The following CENPT variants were observed in gnomAD, a reference collection of about 807,000 sequenced individuals.
The protein encoded by CENPT is centromere protein T.
In CENPT, 42 loss-of-function variants were observed where a neutral mutation model predicts 59.7. The ratio of observed to expected loss-of-function variants is 0.70; its 90% CI spans 0.55 to 0.91. CENPT has a LOEUF of 0.91. CENPT is among the 40% of genes least tolerant of loss of function. CENPT has a pLI of 0.00. For missense variants in CENPT, 716 were observed against 713.4 expected (o/e 1.00, Z -0.04); for synonymous variants, 295 against 289.6 (o/e 1.02, Z -0.19).
At chr16:67,844,183 AG>A (rs1293692810) in intron 1 of CENPT, 2 of 166,702 alleles carry the variant, frequency 1.2e-5, no homozygotes, top group Non-Finnish European at 2.9e-5. Flanking sequence ...TTAAACAAAA[AG>A]TAAGGTTTTT....
At position 67,833,948 on chromosome 16, in the gene CENPT, C is replaced by T; in HGVS notation, c.-89G>A. 1 of 795,718 alleles carries T rather than the reference C, an allele frequency of 1.3e-6. No individual in the cohort carries two copies. The highest frequency in any genetic ancestry group is 4.0e-5 in the Admixed American group (1 of 24,888). The allele number at this position is 795,718 out of a possible 1,614,324, so 49.3% of individuals were successfully genotyped here. ...AGTTAATGTAACTCTCGCGATGCTC[C>T]CGCACAGCCCCACGGGAATTGTAGT... On this transcript the variant is annotated 5_prime_UTR_variant, in exon 4 of 16. Transcript: ENST00000562787.
rs1412838270 is a variant in CENPT at position 67,847,682 on chromosome 16, C to G, written c.-773G>C. On this transcript the variant is annotated 5_prime_UTR_variant, in exon 1 of 16. Coordinates refer to ENST00000562787, the MANE Select transcript of CENPT (RefSeq NM_025082.4). ...ACGGGAGACTTTATCCCTGTCTTGT[C>G]TTAGAGGATCTGGGCCTGATGGGGT... 6.6e-6 allele frequency: 1 copy of G among 152,352 alleles called. No individual in the cohort carries two copies. 9.4% of individuals were successfully genotyped at this position (152,352 alleles called of 1,614,324 possible).
Position 67,842,899 on chromosome 16 carries a change from G to A in CENPT, c.-492+4502C>T, listed in dbSNP as rs779779594. 5 of 1,586,704 alleles carry A rather than the reference G, an allele frequency of 3.2e-6. No individual in the cohort carries two copies. The highest frequency in any genetic ancestry group is 4.5e-5 in the East Asian group (2 of 44,242). ...AACAGCAGCAGCAGCAGCAACAGCA[G>A]CAACAGCAGCAGCAGCAGCAACAGC... On this transcript the variant is annotated intron_variant, in intron 1 of 15. Transcript: ENST00000562787. This position sits in a 1 kb window ranked among gnomAD's most constrained non-coding sequence, Gnocchi z 4.9.
rs748207545 is a variant in CENPT, at chr16:67,842,749, C to T, written c.-492+4652G>A. 1 of 1,609,170 alleles carries T rather than the reference C, an allele frequency of 6.2e-7. No individual in the cohort carries two copies. The highest frequency in any genetic ancestry group is 1.1e-5 in the South Asian group (1 of 90,476). On this transcript the variant is annotated intron_variant, in intron 1 of 15. Coordinates refer to ENST00000562787, the MANE Select transcript of CENPT (RefSeq NM_025082.4). This position sits in a 1 kb window ranked among gnomAD's most constrained non-coding sequence, Gnocchi z 4.9. ...GCCACCGTCTCTGCAGCGTTCACTT[C>T]CAGGGCGGCCGCAAGACCTACACGG...
intron 1 of CENPT, chr16:67,841,695 C>A (rs2057762253): frequency 6.6e-6 from 1 of 152,284 alleles, no homozygotes. Flanking sequence ...ACTCCCGGCA[C>A]CGTGTCAGCC....
chr16:67,839,007 T>G (rs1242169209), intron 1 of CENPT, among the ~76,000 whole-genome samples: 1 of 152,008 alleles, frequency 6.6e-6, no homozygotes, highest in Non-Finnish European at 1.5e-5. Flanking sequence ...TCCCAGCACT[T>G]TAGGAGGCCA....
At position 67,842,308 on chromosome 16, in the gene CENPT, C is replaced by T. The variant is rs927128921; in HGVS notation, c.-492+5093G>A. 4 of 170,876 alleles carry T rather than the reference C, an allele frequency of 2.3e-5. No individual in the cohort carries two copies. Among genetic ancestry groups the T allele is most frequent in the Non-Finnish European group, 3.7e-5 (3 of 81,148 alleles). 10.6% of individuals were successfully genotyped at this position (170,876 alleles called of 1,614,324 possible). On this transcript the variant is annotated intron_variant, in intron 1 of 15. Coordinates refer to ENST00000562787, the MANE Select transcript of CENPT (RefSeq NM_025082.4). The surrounding 1 kb of genome is among the most constrained non-coding windows in gnomAD (Gnocchi z 4.9). ...GTAGTCTCTTTCTCAGGCGGTCCTT[C>T]GCGGCGTCCCCGGGGCCCACTCCCG...
At position 67,831,800 on chromosome 16, in the gene CENPT, C is replaced by T. The variant is rs1308363232; in HGVS notation, c.477G>A (p.Leu159=). Reference sequence around the variant, plus strand: ...GGTCCACTCCCTGCTGAAACACTGACAGTCTCAGCCTCTGTTTCCTCCTGC... The same window carrying T: ...GGTCCACTCCCTGCTGAAACACTGATAGTCTCAGCCTCTGTTTCCTCCTGC... The part of the protein sequence containing the change: ...APGRRKQRLR[L]SVFQQGVDQG... The change falls in exon 8 of 16, where the codon CTG becomes CTA. Residue 159 remains leucine (L), a synonymous_variant. Transcript: ENST00000562787. The T allele has an allele frequency of 2.5e-6, 4 of 1,594,922 alleles. No homozygotes were observed. Among genetic ancestry groups the T allele is most frequent in the Non-Finnish European group, 3.4e-6 (4 of 1,171,858 alleles).
In CENPT at chr16:67,832,020, A is replaced by G. The variant is rs1246028038; in HGVS notation, c.378T>C (p.Ser126=). 2.5e-6 allele frequency: 4 copies of G among 1,603,100 alleles called. No individual in the cohort carries two copies. The highest frequency in any genetic ancestry group is 3.4e-6 in the Non-Finnish European group (4 of 1,173,024). ...GGGGGAGTTCTGTGTACCTGCCGCA[A>G]CTGCTCTCTTGTCTGGAGGGTTGGA... is the stretch of plus-strand genomic sequence containing the variant. ...QAVQPSRQES[S]CGSLELQLPE... is the part of the protein sequence containing the mutation. Residue 126 remains serine (S), a synonymous_variant, in exon 7 of 16, where the codon AGT becomes AGC. Coordinates refer to ENST00000562787, the MANE Select transcript of CENPT (RefSeq NM_025082.4).
chr16:67,845,641 C>T (rs570740498), intron 1 of CENPT, among the ~76,000 whole-genome samples: 28 of 152,354 alleles, frequency 1.8e-4, no homozygotes, highest in African/African-American at 6.7e-4. Context: ...CATTGGCTCC[C>T]TTGAGGCTCT....
chr16:67,829,755 G>A lies in CENPT; in HGVS notation c.1186+10C>T. The stretch of plus-strand genomic sequence containing the variant: ...CTGTCACCAGTCACTCCCTGCACTG[G>A]GCCTCTTACCTGCCCTGCCAGAGGC... On this transcript the variant is annotated intron_variant, in intron 12 of 15. Transcript: ENST00000562787. 2 of 1,612,254 alleles carry A rather than the reference G, an allele frequency of 1.2e-6. No homozygotes were observed. Among genetic ancestry groups the A allele is most frequent in the African/African-American group, 1.3e-5 (1 of 74,974 alleles).
intron 10 of CENPT, chr16:67,830,845 C>T (rs1303043240): frequency 1.9e-6 from 1 of 519,426 alleles, no homozygotes; most frequent in African/African-American, 1.9e-5. Context: ...GCTTGTTCTG[C>T]TCCGTCTTCC....
intron 1 of CENPT, among the ~76,000 whole-genome samples, chr16:67,837,829 G>C (rs780930963): frequency 2.6e-5 from 4 of 152,236 alleles, no homozygotes; most frequent in Non-Finnish European, 5.9e-5. Context: ...GTGAGGCAGG[G>C]AGGAGCGAAA....
At chr16:67,834,831 T>G (rs1027093500) in intron 3 of CENPT, among the ~76,000 whole-genome samples, 4 of 152,024 alleles carry the variant, frequency 2.6e-5, no homozygotes, top group Admixed American at 2.0e-4. Context: ...TCTAGCAAAA[T>G]AAATAAATAA....
rs1438744493 is a variant in CENPT, at chr16:67,831,869, C to T, written c.408G>A (p.Glu136=). 4 of 1,611,704 alleles carry T rather than the reference C, an allele frequency of 2.5e-6. No individual in the cohort carries two copies. The highest frequency in any genetic ancestry group is 2.2e-5 in the South Asian group (2 of 90,760). The change falls in exon 8 of 16, where the codon GAG becomes GAA. Residue 136 remains glutamate (E), a synonymous_variant. Coordinates refer to ENST00000562787, the MANE Select transcript of CENPT (RefSeq NM_025082.4). ...SCGSLELQLP[E]LEPPTTLAPG... is the part of the protein sequence containing the mutation. ...GAGCCAGGGTTGTGGGGGGCTCGAG[C>T]TCAGGAAGTTGCAGCTCCAGGCTAT...
At chr16:67,844,988 C>A (rs1017090382) in intron 1 of CENPT, among the ~76,000 whole-genome samples, 4 of 152,008 alleles carry the variant, frequency 2.6e-5, no homozygotes, top group Admixed American at 1.3e-4. Flanking sequence ...AGGATTTCAC[C>A]ATGTTGGCCA....
At position 67,842,396 on chromosome 16, in the gene CENPT, C is replaced by A. The variant is rs2057767805; in HGVS notation, c.-492+5005G>T. ...GCCGGCAGGAAGCGTATTCTGGGCA[C>A]GGGGCGCCGGGCGGGCCGGCTGCGC... On this transcript the variant is annotated intron_variant, in intron 1 of 15. Coordinates refer to ENST00000562787, the MANE Select transcript of CENPT (RefSeq NM_025082.4). This position sits in a 1 kb window ranked among gnomAD's most constrained non-coding sequence, Gnocchi z 4.9. 1 of 369,446 alleles carries A rather than the reference C, an allele frequency of 2.7e-6. No homozygotes were observed. The highest frequency in any genetic ancestry group is 4.2e-6 in the Non-Finnish European group (1 of 240,570). 22.9% of individuals were successfully genotyped at this position (369,446 alleles called of 1,614,324 possible).
In CENPT at chr16:67,843,731, C is replaced by T; in HGVS notation, c.-492+3670G>A. Reference sequence around the variant, plus strand: ...GCAATTATGACTTTGTCTACCCTTCCTCCCCAGTTATTGTTGCAGATTCTG... The same window carrying T: ...GCAATTATGACTTTGTCTACCCTTCTTCCCCAGTTATTGTTGCAGATTCTG... On this transcript the variant is annotated intron_variant, in intron 1 of 15. Transcript: ENST00000562787. This position sits in a 1 kb window ranked among gnomAD's most constrained non-coding sequence, Gnocchi z 5.7. 2.0e-6 allele frequency: 1 copy of T among 497,792 alleles called. No individual in the cohort carries two copies. Among genetic ancestry groups the T allele is most frequent in the Non-Finnish European group, 3.7e-6 (1 of 273,128 alleles). 30.8% of individuals were successfully genotyped at this position (497,792 alleles called of 1,614,324 possible).
chr16:67,840,172 G>C (rs991529624), intron 1 of CENPT, among the ~76,000 whole-genome samples: 1 of 152,044 alleles, frequency 6.6e-6, no homozygotes, highest in Non-Finnish European at 1.5e-5. Context: ...AAAAAAATTA[G>C]CCGGGCACGG....
Sources: gnomAD v4.1 joint callset for allele counts (sites outside exome capture counted in the v4.1 genomes callset) on GRCh38, gnomAD v4.1.1 for gene constraint, Gnocchi (gnomAD v3.1) non-coding constraint, MANE v1.5 for transcripts, NCBI Gene and HGNC (gene_info 2026-07-23, HGNC 2026-07-21) for gene names.